The following HSP90AA1 variants were observed in gnomAD, a reference collection of about 807,000 sequenced individuals.
The protein encoded by HSP90AA1 is heat shock protein 90 alpha family class A member 1, also known as heat shock protein HSP 90-alpha.
A neutral mutation model predicts 73.3 loss-of-function variants in HSP90AA1; 18 were observed. The ratio of observed to expected loss-of-function variants is 0.25; its 90% CI spans 0.17 to 0.36. The LOEUF (loss-of-function observed/expected upper bound fraction) is 0.36, where lower values mean the gene tolerates loss of function less well. Among genes scored for constraint, HSP90AA1 ranks in the 10% least tolerant of loss-of-function variants. HSP90AA1 has a pLI of 1.00. For missense variants in HSP90AA1, 704 were observed against 874.2 expected, an observed-to-expected ratio of 0.81 and a Z score of 2.45; for synonymous variants, 477 against 296.9, an observed-to-expected ratio of 1.61 and a Z score of -6.24.
At position 102,086,397 on chromosome 14, in the gene HSP90AA1, G is replaced by A. The variant is rs779982002; in HGVS notation, c.1-19C>T. On this transcript the variant is annotated intron_variant, in intron 1 of 10. Transcript: ENST00000216281. ...CAGGCATCTGGAACGACACCGCGCC[G>A]GTTTAAAACCTTGCAGGACGTCTAC... 6.2e-6 allele frequency: 10 copies of A among 1,614,102 alleles called. No individual in the cohort carries two copies. The highest frequency in any genetic ancestry group is 1.6e-4 in the Middle Eastern group (1 of 6,062).
At chr14:102,128,996 C>T (rs1478010638) in intron 1 of HSP90AA1, among the ~76,000 whole-genome samples, 1 of 151,820 alleles carries the variant, frequency 6.6e-6, no homozygotes, top group Non-Finnish European at 1.5e-5. Context: ...TATGGCGCTC[C>T]CTGGACCAAT....
intron 1 of HSP90AA1, among the ~76,000 whole-genome samples, chr14:102,131,074 G>A (rs1304984569): frequency 6.6e-6 from 1 of 152,194 alleles, no homozygotes; most frequent in African/African-American, 2.4e-5. Flanking sequence ...CAGATGGGCA[G>A]CTCAGACCTC....
exon 1 of HSP90AA1, chr14:102,139,496 C>T (rs1173653402): frequency 1.2e-5 from 16 of 1,359,254 alleles, no homozygotes; most frequent in Non-Finnish European, 1.4e-5. Context: ...TCCCGGCGCC[C>T]CTCAGGGCAG....
At position 102,129,798 on chromosome 14, in the gene HSP90AA1, C is replaced by T. The variant is rs1442320777; in HGVS notation, c.155+9452G>A. Among the ~76,000 whole-genome samples the T allele has an allele frequency of 5.1e-5, 5 of 97,830 alleles. No homozygotes were observed. The Admixed American group carries it at 6.6e-4, about 13-fold the overall frequency. The allele number at this position is 97,830 out of a possible 152,430, so 64.2% of individuals were successfully genotyped here. On this transcript the variant is annotated intron_variant, in intron 1 of 11. Coordinates refer to the HSP90AA1 transcript ENST00000334701. ...GATTACAGGCGTGAGCCACCACGCC[C>T]GACAACTACATTCCTTTCTATCATA...
intron 1 of HSP90AA1, among the ~76,000 whole-genome samples, chr14:102,134,344 AAG>A (rs1200212377): frequency 3.4e-4 from 51 of 148,578 alleles, no homozygotes; most frequent in African/African-American, 9.9e-4. Context: ...AAAAAAAAAA[AAG>A]GATGACAGTA....
At chr14:102,107,374 G>C (rs564090102) in intron 1 of HSP90AA1, among the ~76,000 whole-genome samples, 1 of 152,068 alleles carries the variant, frequency 6.6e-6, no homozygotes, top group Admixed American at 6.6e-5. Flanking sequence ...TGCCAGGCTG[G>C]AGTGCAGTGG....
rs1408485215 is a variant in HSP90AA1 at position 102,083,889 on chromosome 14, C to T, written c.1242G>A (p.Lys414=). 1.2e-6 allele frequency: 2 copies of T among 1,613,972 alleles called. No homozygotes were observed. The highest frequency in any genetic ancestry group is 3.3e-5 in the Admixed American group (2 of 60,010). Residue 414 remains lysine (K), a synonymous_variant, in exon 7 of 11, where the codon AAG becomes AAA. Coordinates refer to ENST00000216281, the MANE Select transcript of HSP90AA1 (RefSeq NM_005348.4). ...GTTCTAAGCATTTTTTGACCAAATT[C>T]TTCCTGATAACTTTCAAAATTTTGC... The part of the protein sequence containing the change: ...QQSKILKVIR[K]NLVKKCLELF...
intron 2 of HSP90AA1, among the ~76,000 whole-genome samples, chr14:102,098,650 G>A (rs1033936347): frequency 6.6e-6 from 1 of 151,906 alleles, no homozygotes; most frequent in Non-Finnish European, 1.5e-5. Flanking sequence ...TTTTAGTAGA[G>A]ACAGGGTTTC....
At chr14:102,105,812 G>A (rs138624540) in intron 1 of HSP90AA1, among the ~76,000 whole-genome samples, 3,120 of 152,288 alleles carry the variant, frequency 0.02, 69 homozygotes, top group South Asian at 0.092. Context: ...GCTAATGCCT[G>A]TAATCCCAGC....
intron 1 of HSP90AA1, among the ~76,000 whole-genome samples, chr14:102,120,938 C>G (rs1190637744): frequency 7.1e-6 from 1 of 140,824 alleles, no homozygotes; most frequent in Non-Finnish European, 1.6e-5. Context: ...GACTCAGTCT[C>G]AAAAAAAAAA....
At chr14:102,139,598 C>T (rs2050203924) in exon 1 of HSP90AA1, 1 of 677,528 alleles carries the variant, frequency 1.5e-6, no homozygotes, top group Non-Finnish European at 2.4e-6. Context: ...TTTCCGCTGG[C>T]CCTGGCGGCT....
chr14:102,139,504 C>T, exon 1 of HSP90AA1: 1 of 1,308,226 alleles, frequency 7.6e-7, no homozygotes, highest in Non-Finnish European at 1.0e-6. Flanking sequence ...CCCCTCAGGG[C>T]AGGGCGGGAG....
intron 1 of HSP90AA1, among the ~76,000 whole-genome samples, chr14:102,137,118 G>A (rs139863120): frequency 0.08 from 12,080 of 151,718 alleles, 906 homozygotes; most frequent in African/African-American, 0.2. Context: ...GGAGACTGGG[G>A]CAGGAGAATT....
intron 1 of HSP90AA1, among the ~76,000 whole-genome samples, chr14:102,110,161 C>G (rs1245137687): frequency 2.6e-5 from 4 of 152,062 alleles, no homozygotes; most frequent in Non-Finnish European, 4.4e-5. Flanking sequence ...TCTCGAACTC[C>G]TGACCTTGTG....
chr14:102,092,932 A>G (rs2049376980), intron 2 of HSP90AA1, among the ~76,000 whole-genome samples: 1 of 151,866 alleles, frequency 6.6e-6, no homozygotes, highest in African/African-American at 2.4e-5. Flanking sequence ...TTTAATAGAG[A>G]CATGGTTTCA....
chr14:102,135,644 G>A (rs2049982008), intron 1 of HSP90AA1, among the ~76,000 whole-genome samples: 1 of 152,262 alleles, frequency 6.6e-6, no homozygotes, highest in Admixed American at 6.5e-5. Context: ...TGCAGGTCCC[G>A]GAGCCCTGCC....
At chr14:102,082,545 T>C (rs963736192) in intron 9 of HSP90AA1, 101 bp from the exon 10 acceptor site, 12 of 823,034 alleles carry the variant, frequency 1.5e-5, no homozygotes, top group Admixed American at 1.4e-4. Flanking sequence ...AGATCCAAAA[T>C]ACTATCTACT....
intron 9 of HSP90AA1, 128 bp from the exon 10 acceptor site, chr14:102,082,572 A>C: frequency 1.4e-6 from 1 of 737,106 alleles, no homozygotes; most frequent in Non-Finnish European, 2.3e-6. Context: ...TACAACTTAA[A>C]TGTCGCATTA....
chr14:102,085,440 G>A lies in HSP90AA1; in HGVS notation c.530-9C>T, dbSNP rs370510891. On this transcript the variant is annotated splice_polypyrimidine_tract_variant and intron_variant, in intron 3 of 10. Transcript: ENST00000216281. ...ACGACCCATAGGTTCACCTGCAAGAGAAGAAAGAAAAATTGACTTAATACA... is the reference window on the plus strand; with the variant it reads ...ACGACCCATAGGTTCACCTGCAAGAAAAGAAAGAAAAATTGACTTAATACA... 5.0e-5 allele frequency: 77 copies of A among 1,550,192 alleles called. No homozygotes were observed. In the East Asian group the frequency reaches 5.2e-4, roughly 10 times the overall value.
Sources: gnomAD v4.1 joint callset for allele counts (sites outside exome capture counted in the v4.1 genomes callset) on GRCh38, gnomAD v4.1.1 for gene constraint, MANE v1.5 for transcripts, NCBI Gene and HGNC (gene_info 2026-07-23, HGNC 2026-07-21) for gene names.